The following CRHR2 variants were observed in gnomAD, a reference collection of about 807,000 sequenced individuals.
CRHR2 encodes corticotropin releasing hormone receptor 2.
In CRHR2, 53 loss-of-function variants were observed where a neutral mutation model predicts 57.9. That is an observed-to-expected ratio of 0.92 (90% CI 0.73 to 1.15). The LOEUF is 1.15. Ranked by LOEUF, CRHR2 falls within the 50% of genes most tolerant of loss-of-function variation. The pLI is 0.00. For missense variants in CRHR2, 532 were observed against 542.6 expected (o/e 0.98, Z 0.19); for synonymous variants, 213 against 220.9 (o/e 0.96, Z 0.32).
chr7:30,667,180 C>T, intron 3 of CRHR2, 48 bp downstream of exon 3: 1 of 1,565,360 alleles, frequency 6.4e-7, no homozygotes, highest in Non-Finnish European at 8.8e-7. Flanking sequence ...AACCTGAGTC[C>T]AAATACCTGT....
rs1584142683 is a variant in CRHR2 at position 30,692,174 on chromosome 7, A to C, written c.-260-2890T>G. 1.3e-5 allele frequency among the ~76,000 whole-genome samples: 2 copies of C among 152,340 alleles called. 1 individual carries two copies. Among genetic ancestry groups the C allele is most frequent in the Non-Finnish European group, 2.9e-5 (2 of 68,032 alleles). On this transcript the variant is annotated intron_variant, in intron 1 of 13. Coordinates refer to the CRHR2 transcript ENST00000341843. ...CAAGAGCCTGGCACGTAGAATGCGC[A>C]CGCTGAATGGTGACTCTTGGCAAGG...
Position 30,682,273 on chromosome 7 carries a change from G to A in CRHR2, c.8C>T (p.Ala3Val), listed in dbSNP as rs1448661173. MDAALLHSLLEAN... is the reference protein window; with the variant it reads MDVALLHSLLEAN... ...CTCCAGCAGGCTGTGGAGCAGTGCC[G>A]CGTCCATCGCGTCCCGCAGCCGCGT... The change falls in exon 1 of 12, where the codon GCG becomes GTG. Residue 3 changes from alanine (A) to valine (V), a missense_variant. Ala to Val is a moderately conservative substitution (Grantham distance 64). Transcript: ENST00000471646. 17 of 1,568,058 alleles carry A rather than the reference G, an allele frequency of 1.1e-5. No individual in the cohort carries two copies. The highest frequency in any genetic ancestry group is 2.4e-5 in the East Asian group (1 of 41,316).
chr7:30,699,308 A>G (rs1785120389), intron 1 of CRHR2, among the ~76,000 whole-genome samples: 1 of 152,086 alleles, frequency 6.6e-6, no homozygotes, highest in Admixed American at 6.5e-5. Flanking sequence ...GTGTGGCTGG[A>G]TGAAGCTCTG....
At chr7:30,686,503 A>G, upstream of CRHR2, 2 of 1,509,002 alleles carry the variant, frequency 1.3e-6, no homozygotes, top group Non-Finnish European at 1.8e-6. Context: ...ATTTCAAGGT[A>G]TCTTTGAATC....
At chr7:30,671,167 T>G (rs1302873305) in intron 2 of CRHR2, among the ~76,000 whole-genome samples, 4 of 152,182 alleles carry the variant, frequency 2.6e-5, no homozygotes, top group African/African-American at 9.7e-5. Context: ...TTAGAAATAT[T>G]ACAGTAAATT....
chr7:30,658,725 T>C (rs550443061), intron 8 of CRHR2, among the ~76,000 whole-genome samples: 16 of 152,334 alleles, frequency 1.1e-4, no homozygotes, highest in Non-Finnish European at 2.4e-4. Context: ...CAGAGACCAC[T>C]AAGACCTGTG....
At chr7:30,690,660 A>C (rs1241615517) in intron 1 of CRHR2, among the ~76,000 whole-genome samples, 1 of 151,424 alleles carries the variant, frequency 6.6e-6, no homozygotes, top group Non-Finnish European at 1.5e-5. Context: ...GGCTCAGTCC[A>C]TTTCCTGTGC....
intron 2 of CRHR2, among the ~76,000 whole-genome samples, chr7:30,669,933 G>A (rs762475048): frequency 2.6e-5 from 4 of 151,958 alleles, no homozygotes; most frequent in African/African-American, 4.8e-5. Context: ...CACTGCTCAC[G>A]GATGAACTCC....
At chr7:30,678,038 T>C (rs1450520792) in intron 2 of CRHR2, among the ~76,000 whole-genome samples, 1 of 151,814 alleles carries the variant, frequency 6.6e-6, no homozygotes, top group Non-Finnish European at 1.5e-5. Flanking sequence ...CCACTAGTGG[T>C]GGCCAGGGCT....
At chr7:30,655,012 G>A (rs1034860537) in intron 11 of CRHR2, 27 bp downstream of exon 11, 3 of 1,610,598 alleles carry the variant, frequency 1.9e-6, no homozygotes, top group South Asian at 1.1e-5. Context: ...GGATATCCCA[G>A]GCCACCCCGA....
chr7:30,659,162 G>A (rs1274100884), intron 8 of CRHR2, among the ~76,000 whole-genome samples: 1 of 152,250 alleles, frequency 6.6e-6, no homozygotes, highest in Non-Finnish European at 1.5e-5. Context: ...GGAAGCCCCT[G>A]TTGGTGCAAA....
At chr7:30,687,329 G>T (rs531013223), upstream of CRHR2, among the ~76,000 whole-genome samples, 1 of 152,002 alleles carries the variant, frequency 6.6e-6, no homozygotes, top group African/African-American at 2.4e-5. Flanking sequence ...GCTAGGCAGC[G>T]TCACAAGCGA....
At chr7:30,683,184 G>T (rs1784780620), upstream of CRHR2, among the ~76,000 whole-genome samples, 1 of 152,192 alleles carries the variant, frequency 6.6e-6, no homozygotes, top group Non-Finnish European at 1.5e-5. Flanking sequence ...GATGGAGTAA[G>T]TCTAGGGGAG....
rs564781987 is a variant in CRHR2, at chr7:30,679,337, G to A, written c.229+2578C>T. Among the ~76,000 whole-genome samples the A allele has an allele frequency of 5.9e-5, 9 of 152,336 alleles. No homozygotes were observed. In the South Asian group the frequency reaches 1.5e-3, roughly 25 times the overall value. ...GCGAGGGCTGTGGATTCACCTGCCT[G>A]CACTGGTGCATAGGAGCTGATTAGG... On this transcript the variant is annotated intron_variant, in intron 2 of 11. Coordinates refer to ENST00000471646, the MANE Select transcript of CRHR2 (RefSeq NM_001883.5).
chr7:30,686,582 G>A (rs1465974481), upstream of CRHR2: 3 of 1,468,952 alleles, frequency 2.0e-6, no homozygotes, highest in Non-Finnish European at 2.7e-6. Flanking sequence ...GCCAAGGTAG[G>A]CAGATTGCTT....
chr7:30,657,083 TCA>T lies in CRHR2; in HGVS notation c.832-1073_832-1072del, dbSNP rs55909312. On this transcript the variant is annotated intron_variant, in intron 8 of 11. Coordinates refer to ENST00000471646, the MANE Select transcript of CRHR2 (RefSeq NM_001883.5). ...TGCTGGCTCGTGTGCACACACCCACTCACACACACACACACACACACACACAC... is the reference window on the plus strand; with the variant it reads ...TGCTGGCTCGTGTGCACACACCCACTCACACACACACACACACACACACAC... 7.6e-3 allele frequency among the ~76,000 whole-genome samples: 1,100 copies of T among 145,140 alleles called. 8 individuals are homozygous for T. The highest frequency in any genetic ancestry group is 9.7e-3 in the Non-Finnish European group (638 of 65,914).
intron 1 of CRHR2, among the ~76,000 whole-genome samples, chr7:30,695,911 C>A (rs556326073): frequency 6.6e-6 from 1 of 152,112 alleles, no homozygotes; most frequent in East Asian, 1.9e-4. Context: ...TAACTCAGGG[C>A]GTTGGTATGA....
At chr7:30,678,902 C>T (rs1439408359) in intron 2 of CRHR2, among the ~76,000 whole-genome samples, 2 of 152,198 alleles carry the variant, frequency 1.3e-5, no homozygotes, top group African/African-American at 4.8e-5. Context: ...CCTTTCCCTC[C>T]AGAGGACAGT....
Position 30,662,856 on chromosome 7 carries a change from A to G in CRHR2, c.544-9T>C. 1 of 1,613,238 alleles carries G rather than the reference A, an allele frequency of 6.2e-7. No individual in the cohort carries two copies. The highest frequency in any genetic ancestry group is 8.5e-7 in the Non-Finnish European group (1 of 1,179,348). On this transcript the variant is annotated splice_polypyrimidine_tract_variant and intron_variant, in intron 5 of 11. Coordinates refer to ENST00000471646, the MANE Select transcript of CRHR2 (RefSeq NM_001883.5). ...ATGCAGCGGCACCAGACCTGTGTGC[A>G]GGGCAGAGAGGCTGTCAGGAGGCAG... is the stretch of plus-strand genomic sequence containing the variant.
Sources: gnomAD v4.1 joint callset for allele counts (sites outside exome capture counted in the v4.1 genomes callset) on GRCh38, gnomAD v4.1.1 for gene constraint, MANE v1.5 for transcripts, NCBI Gene and HGNC (gene_info 2026-07-23, HGNC 2026-07-21) for gene names.